The following NAV2 variants were observed in gnomAD, a reference collection of about 807,000 sequenced individuals.
NAV2 encodes neuron navigator 2.
Under a neutral mutation model 223.2 loss-of-function variants are expected in NAV2, and 54 were observed. That is an observed-to-expected ratio of 0.24 (90% confidence interval 0.19 to 0.30). NAV2 has a LOEUF of 0.30. Ranked by LOEUF, NAV2 falls within the 10% of genes least tolerant of loss-of-function variation. NAV2 has a pLI of 1.00. For missense variants in NAV2, 2,806 were observed against 3,147.5 expected (o/e 0.89, Z 2.60); for synonymous variants, 1,279 against 1,239.3 (o/e 1.03, Z -0.67).
At chr11:19,999,518 G>A (rs374926355) in intron 11 of NAV2, among the ~76,000 whole-genome samples, 46 of 152,220 alleles carry the variant, frequency 3.0e-4, no homozygotes, top group African/African-American at 8.9e-4. Context: ...ACAGGCACCC[G>A]CCACCATGCC....
intron 2 of NAV2, among the ~76,000 whole-genome samples, chr11:19,840,744 AGGCAGCTATTCTTG>A (rs2060469992): frequency 6.6e-6 from 1 of 152,162 alleles, no homozygotes; most frequent in Non-Finnish European, 1.5e-5. Context: ...GCCTGAAAAT[AGGCAGCTATTCTTG>A]ATTCATCTCA....
At chr11:19,354,403 C>T (rs1847639993) in intron 1 of NAV2, among the ~76,000 whole-genome samples, 1 of 152,204 alleles carries the variant, frequency 6.6e-6, no homozygotes, top group African/African-American at 2.4e-5. Context: ...GTTTAAACTT[C>T]AATAGCTGCA....
At chr11:19,454,068 A>G (rs949608495) in intron 1 of NAV2, among the ~76,000 whole-genome samples, 1 of 152,198 alleles carries the variant, frequency 6.6e-6, no homozygotes, top group African/African-American at 2.4e-5. Flanking sequence ...AACAATGGTT[A>G]CCGGGCTCTG....
rs71050685 is a variant in NAV2 at position 19,776,632 on chromosome 11, ATGTGTGTGTGTG to A, written c.268-55819_268-55808del. ...TGGTTAGAGTTGTGGGGGTCAGAAA[ATGTGTGTGTGTG>A]TGTGTGTGTGTGTGTGTGTGTGTGT... On this transcript the variant is annotated intron_variant, in intron 1 of 37. Coordinates refer to ENST00000349880, the MANE Select transcript of NAV2 (RefSeq NM_145117.5). Among the ~76,000 whole-genome samples the A allele has an allele frequency of 9.0e-4, 58 of 64,658 alleles. 1 individual carries two copies. The highest frequency in any genetic ancestry group is 6.2e-3 in the East Asian group (16 of 2,590). The allele number at this position is 64,658 out of a possible 152,430, so 42.4% of individuals were successfully genotyped here.
chr11:19,412,048 T>C (rs1286894105), intron 1 of NAV2, among the ~76,000 whole-genome samples: 1 of 151,926 alleles, frequency 6.6e-6, no homozygotes, highest in Non-Finnish European at 1.5e-5. Flanking sequence ...CATATCCCAG[T>C]GGCACTGGCA....
chr11:19,699,268 C>T (rs923061383), intron 1 of NAV2, among the ~76,000 whole-genome samples: 17 of 152,202 alleles, frequency 1.1e-4, no homozygotes, highest in African/African-American at 4.1e-4. Flanking sequence ...ACTTGTGTAC[C>T]TGTTTCTTCG....
chr11:19,925,927 C>G (rs952573019), intron 6 of NAV2, among the ~76,000 whole-genome samples: 1 of 152,112 alleles, frequency 6.6e-6, no homozygotes, highest in Non-Finnish European at 1.5e-5. Flanking sequence ...GTCTAGTCCA[C>G]TGGTCTATAT....
At chr11:19,557,670 A>G (rs73422203) in intron 1 of NAV2, among the ~76,000 whole-genome samples, 17,309 of 152,194 alleles carry the variant, frequency 0.11, 3,142 homozygotes, top group African/African-American at 0.38. Flanking sequence ...ATGCTTCCCT[A>G]TAAGCAGTGA....
chr11:19,357,033 T>A (rs529325358), intron 1 of NAV2, among the ~76,000 whole-genome samples: 36 of 152,338 alleles, frequency 2.4e-4, no homozygotes, highest in African/African-American at 7.5e-4. Context: ...ATAAGTAAAC[T>A]GAATTTACTT....
chr11:19,786,393 C>G (rs1015038564), intron 1 of NAV2, among the ~76,000 whole-genome samples: 1 of 152,206 alleles, frequency 6.6e-6, no homozygotes, highest in African/African-American at 2.4e-5. Flanking sequence ...AGAAACAACA[C>G]AGCTCCTGGC....
intron 1 of NAV2, among the ~76,000 whole-genome samples, chr11:19,412,043 C>T (rs1387505628): frequency 6.6e-6 from 1 of 152,010 alleles, no homozygotes; most frequent in Middle Eastern, 3.2e-3. Context: ...TTTTTCATAT[C>T]CCAGTGGCAC....
At chr11:19,783,697 C>T (rs1405157080) in intron 1 of NAV2, among the ~76,000 whole-genome samples, 2 of 152,110 alleles carry the variant, frequency 1.3e-5, no homozygotes, top group African/African-American at 4.8e-5. Context: ...GAGAATATTG[C>T]TTTATTTCTC....
At chr11:19,942,786 C>A (rs1189252493) in intron 8 of NAV2, among the ~76,000 whole-genome samples, 1 of 152,170 alleles carries the variant, frequency 6.6e-6, no homozygotes, top group African/African-American at 2.4e-5. Context: ...GAGTTTGAGA[C>A]TAGCCTGGGC....
rs537533832 is a variant in NAV2, at chr11:19,892,718, G to A, written c.931+124G>A. 2.0e-5 allele frequency: 21 copies of A among 1,025,862 alleles called. No homozygotes were observed. The African/African-American group carries it at 3.4e-4, about 17-fold the overall frequency. 63.5% of individuals were successfully genotyped at this position (1,025,862 alleles called of 1,614,324 possible). ...CATCTGTGTTGAGAATGAGTTACAA[G>A]GACATATTTGGTAGGCAGGAACTTT... On this transcript the variant is annotated intron_variant, in intron 6 of 37. Coordinates refer to ENST00000349880, the MANE Select transcript of NAV2 (RefSeq NM_145117.5).
At chr11:19,984,104 C>T in intron 10 of NAV2, 21 bp from the exon 11 acceptor site, 1 of 1,613,950 alleles carries the variant, frequency 6.2e-7, no homozygotes. Context: ...TCATGTGCAT[C>T]ATCTTCTTCT....
At chr11:19,618,862 C>T (rs1351447002) in intron 1 of NAV2, among the ~76,000 whole-genome samples, 1 of 151,174 alleles carries the variant, frequency 6.6e-6, no homozygotes, top group Non-Finnish European at 1.5e-5. Flanking sequence ...AAGAGAGACC[C>T]ACTTTGGCTA....
intron 6 of NAV2, among the ~76,000 whole-genome samples, chr11:19,903,862 T>G (rs2042647507): frequency 6.6e-6 from 1 of 152,076 alleles, no homozygotes. Flanking sequence ...TTTCCTCAAT[T>G]TAGGAGAATG....
chr11:20,093,603 C>T (rs535685851), intron 29 of NAV2, among the ~76,000 whole-genome samples: 12 of 152,266 alleles, frequency 7.9e-5, no homozygotes, highest in Admixed American at 3.3e-4. Flanking sequence ...CCAGTTTTAT[C>T]GGTCATCAGT....
At chr11:19,441,048 G>T (rs929568930) in intron 1 of NAV2, among the ~76,000 whole-genome samples, 1 of 152,214 alleles carries the variant, frequency 6.6e-6, no homozygotes, top group African/African-American at 2.4e-5. Flanking sequence ...AAGATGTACA[G>T]GATGATGGAA....
Sources: allele counts gnomAD v4.1 joint callset (sites outside exome capture counted in the v4.1 genomes callset), GRCh38; gene constraint gnomAD v4.1.1; transcripts MANE v1.5; gene names NCBI Gene and HGNC (gene_info 2026-07-23, HGNC 2026-07-21).